PCDHA8: variants seen among roughly 807,000 people sequenced by gnomAD.
PCDHA8 encodes the protein protocadherin alpha 8, also known as protocadherin alpha-8.
A neutral mutation model predicts 61.8 loss-of-function variants in PCDHA8; 53 were observed. The observed-to-expected ratio is 0.86, with a 90% CI of 0.69 to 1.08. PCDHA8 has a LOEUF of 1.08. Ranked by LOEUF, PCDHA8 falls within the 50% of genes least tolerant of loss-of-function variation. PCDHA8 has a pLI of 0.00. For synonymous variants in PCDHA8, 618 were observed against 556.6 expected, an observed-to-expected ratio of 1.11 and a Z score of -1.55; for missense variants, 1,293 against 1,245.0, an observed-to-expected ratio of 1.04 and a Z score of -0.58.
chr5:140,993,291 C>A (rs961103629), intron 3 of PCDHA8, among the ~76,000 whole-genome samples: 6 of 152,068 alleles, frequency 3.9e-5, no homozygotes, highest in African/African-American at 1.4e-4. Flanking sequence ...CCCAGGGTCA[C>A]AACCTTGCCT....
chr5:140,983,746 T>A (rs1206745225), intron 3 of PCDHA8, among the ~76,000 whole-genome samples: 2 of 152,228 alleles, frequency 1.3e-5, no homozygotes, highest in East Asian at 3.8e-4. Flanking sequence ...CTTGCAATAA[T>A]CCATTCAAAT....
At position 141,003,524 on chromosome 5, in the gene PCDHA8, G is replaced by T. The variant is rs2098128799; in HGVS notation, c.2543-6103G>T. On this transcript the variant is annotated intron_variant, in intron 3 of 3. Coordinates refer to ENST00000531613, the MANE Select transcript of PCDHA8 (RefSeq NM_018911.3). ...GATGGGGTTTCACCATGTTCCCTAG[G>T]CTGGTCTTGAACTCCTGGCTTCAAG... 4.6e-5 allele frequency among the ~76,000 whole-genome samples: 7 copies of T among 152,070 alleles called. No individual in the cohort carries two copies. In the South Asian group the frequency reaches 1.5e-3, roughly 32 times the overall value.
rs2150424072 is a variant in PCDHA8, at chr5:140,848,906, A to C, written c.2394+5191A>C. 6 of 1,608,120 alleles carry C rather than the reference A, an allele frequency of 3.7e-6. No individual in the cohort carries two copies. In the East Asian group the frequency reaches 1.3e-4, roughly 36 times the overall value. On this transcript the variant is annotated intron_variant, in intron 1 of 3. Transcript: ENST00000531613. ...ACCCTCCAGTGTTCCCAGCGACACA[A>C]AAGAATCTGTTCATCGCGGAATCCA... is the stretch of plus-strand genomic sequence containing the variant.
At chr5:140,915,753 G>A (rs1196952771) in intron 1 of PCDHA8, among the ~76,000 whole-genome samples, 1 of 151,952 alleles carries the variant, frequency 6.6e-6, no homozygotes, top group Non-Finnish European at 1.5e-5. Context: ...AGCCAGCACA[G>A]CCCTGGGTCT....
chr5:140,845,513 G>A (rs2150211324), intron 1 of PCDHA8, among the ~76,000 whole-genome samples: 1 of 149,564 alleles, frequency 6.7e-6, no homozygotes, highest in African/African-American at 2.4e-5. Context: ...CCTATTTCTT[G>A]TACATTAATA....
intron 1 of PCDHA8, chr5:140,856,583 C>T: frequency 1.9e-6 from 3 of 1,597,002 alleles, no homozygotes; most frequent in Non-Finnish European, 2.6e-6. Flanking sequence ...GTATTTTGTT[C>T]TTGATATTAT....
intron 1 of PCDHA8, chr5:140,870,093 A>G (rs1554163808): frequency 6.8e-6 from 11 of 1,613,930 alleles, no homozygotes; most frequent in Non-Finnish European, 9.3e-6. Context: ...CCCCAATGGC[A>G]GGTCACTGTA....
chr5:140,968,553 G>C (rs782583876), intron 1 of PCDHA8: 4 of 1,614,132 alleles, frequency 2.5e-6, no homozygotes, highest in South Asian at 1.1e-5. Context: ...ATGGTGCCTC[G>C]AACTGCCCCT....
At chr5:140,969,982 G>A (rs1327490843) in intron 1 of PCDHA8, among the ~76,000 whole-genome samples, 1 of 152,184 alleles carries the variant, frequency 6.6e-6, no homozygotes, top group Non-Finnish European at 1.5e-5. Context: ...CAACTCTTCT[G>A]TAGAGGGCTG....
In PCDHA8 at chr5:140,869,069, A is replaced by G. The variant is rs781835431; in HGVS notation, c.2394+25354A>G. 4 of 1,572,072 alleles carry G rather than the reference A, an allele frequency of 2.5e-6. No individual in the cohort carries two copies. The East Asian group carries it at 9.0e-5, about 35-fold the overall frequency. ...CTGAAGAATCTGGTACTGTAAGTGT[A>G]AAGAAGCTTATTTTGGAAGCCAATT... On this transcript the variant is annotated intron_variant, in intron 1 of 3. Coordinates refer to ENST00000531613, the MANE Select transcript of PCDHA8 (RefSeq NM_018911.3).
chr5:140,930,892 TTTAAC>T, intron 1 of PCDHA8, among the ~76,000 whole-genome samples: 1 of 152,332 alleles, frequency 6.6e-6, no homozygotes, highest in African/African-American at 2.4e-5. Context: ...AGGGAAAAAC[TTTAAC>T]TTACTTTTCT....
chr5:140,896,228 G>C (rs567886194), intron 1 of PCDHA8, among the ~76,000 whole-genome samples: 1 of 152,298 alleles, frequency 6.6e-6, no homozygotes, highest in South Asian at 2.1e-4. Context: ...CTTTATAGTA[G>C]AATGACTTAT....
At chr5:140,914,297 G>A (rs1371976850) in intron 1 of PCDHA8, among the ~76,000 whole-genome samples, 2 of 152,056 alleles carry the variant, frequency 1.3e-5, no homozygotes, top group African/African-American at 4.8e-5. Flanking sequence ...ATATCCTCTT[G>A]CTGAATTGAC....
chr5:140,907,433 G>A (rs1006736760), intron 1 of PCDHA8, among the ~76,000 whole-genome samples: 5 of 152,246 alleles, frequency 3.3e-5, no homozygotes, highest in Admixed American at 1.3e-4. Context: ...GGCATTCTGT[G>A]AGTCCACAGA....
chr5:140,978,842 T>A, intron 1 of PCDHA8, 107 bp from the exon 2 acceptor site: 1 of 1,564,670 alleles, frequency 6.4e-7, no homozygotes, highest in East Asian at 2.3e-5. Flanking sequence ...TTCAATACTT[T>A]TTTAGATGCC....
chr5:140,844,707 T>C lies in PCDHA8; in HGVS notation c.2394+992T>C, dbSNP rs2150373340. Among the ~76,000 whole-genome samples, 21 of 149,764 alleles carry C rather than the reference T, an allele frequency of 1.4e-4. 3 individuals carry two copies. The highest frequency in any genetic ancestry group is 3.0e-4 in the Non-Finnish European group (20 of 66,878). ...TTATACAGAATATTTGGGATTATCA[T>C]GGCCCATTAGTTCGTGTAAAAATAT... On this transcript the variant is annotated intron_variant, in intron 1 of 3. Transcript: ENST00000531613.
rs2150364461 is a variant in PCDHA8, at chr5:140,843,643, C to T, written c.2322C>T (p.Pro774=). 81 of 1,595,634 alleles carry T rather than the reference C, an allele frequency of 5.1e-5. 5 individuals are homozygous for T. In the South Asian group the frequency reaches 8.1e-4, roughly 16 times the overall value. Residue 774 remains proline (P), a synonymous_variant, in exon 1 of 4, where the codon CCC becomes CCT. Transcript: ENST00000531613. ...PPKTDLMAFS[P]CLPPDLGSVD... is the part of the protein sequence containing the mutation. ...AGACGGACCTCATGGCCTTCAGCCC[C>T]TGCCTTCCTCCTGATCTGGGATCAG...
intron 1 of PCDHA8, chr5:140,857,355 C>T: frequency 6.3e-7 from 1 of 1,598,292 alleles, no homozygotes. Flanking sequence ...CCGCTGTGGG[C>T]CACGGCCAGC....
intron 1 of PCDHA8, chr5:140,967,347 A>G: frequency 6.2e-7 from 1 of 1,608,324 alleles, no homozygotes; most frequent in South Asian, 1.1e-5. Flanking sequence ...GAGCACTTCG[A>G]GCTGGACCTT....
Sources: gnomAD v4.1 joint callset for allele counts (sites outside exome capture counted in the v4.1 genomes callset) on GRCh38, gnomAD v4.1.1 for gene constraint, MANE v1.5 for transcripts, NCBI Gene and HGNC (gene_info 2026-07-23, HGNC 2026-07-21) for gene names.